NRP1: variants seen among roughly 807,000 people sequenced by gnomAD.
NRP1 encodes neuropilin 1.
Under a neutral mutation model 106.7 loss-of-function variants are expected in NRP1, and 35 were observed. That is an observed-to-expected ratio of 0.33 (90% CI 0.25 to 0.43). The LOEUF is 0.43. NRP1 is among the 20% of genes least tolerant of loss of function. The probability of loss-of-function intolerance (pLI) is 1.00; values close to 1 mark genes in which losing one functional copy is unlikely to be tolerated. For missense variants in NRP1, 1,024 were observed against 1,170.4 expected (o/e 0.87, Z 1.83); for synonymous variants, 437 against 417.9 (o/e 1.05, Z -0.56).
intron 3 of NRP1, among the ~76,000 whole-genome samples, chr10:33,269,286 T>A (rs1843130729): frequency 6.6e-6 from 1 of 152,204 alleles, no homozygotes; most frequent in Admixed American, 6.6e-5. Context: ...TTATTACTTT[T>A]AAATTATTTT....
intron 2 of NRP1, among the ~76,000 whole-genome samples, chr10:33,317,282 C>A (rs1364429996): frequency 6.6e-6 from 1 of 152,188 alleles, no homozygotes; most frequent in Non-Finnish European, 1.5e-5. Flanking sequence ...CTCTTCTCTG[C>A]CATGATCCCA....
intron 16 of NRP1, among the ~76,000 whole-genome samples, 195 bp downstream of exon 16, chr10:33,182,503 C>G (rs1369570192): frequency 6.6e-6 from 1 of 152,132 alleles, no homozygotes; most frequent in Non-Finnish European, 1.5e-5. Context: ...CTCCCCAAGT[C>G]TTATGGGCAG....
chr10:33,289,648 G>A (rs188290662), intron 2 of NRP1, among the ~76,000 whole-genome samples: 7 of 152,292 alleles, frequency 4.6e-5, no homozygotes, highest in South Asian at 2.1e-4. Context: ...TGACATTAGC[G>A]TGTGTTAGAT....
chr10:33,185,852 C>T, intron 14 of NRP1, 128 bp from the exon 15 acceptor site: 1 of 809,118 alleles, frequency 1.2e-6, no homozygotes, highest in Admixed American at 2.1e-5. Flanking sequence ...ACACAGACTT[C>T]ACTCATCAAT....
intron 2 of NRP1, among the ~76,000 whole-genome samples, chr10:33,272,734 T>A (rs192109081): frequency 6.6e-6 from 1 of 152,192 alleles, no homozygotes; most frequent in South Asian, 2.1e-4. Flanking sequence ...CGCTTTCTTA[T>A]AATTTAACTG....
intron 2 of NRP1, among the ~76,000 whole-genome samples, chr10:33,319,650 G>C (rs12256267): frequency 7.0e-6 from 1 of 143,426 alleles, no homozygotes; most frequent in Non-Finnish European, 1.5e-5. Context: ...GCATTGGCAC[G>C]ATCTCGGCTT....
intron 6 of NRP1, among the ~76,000 whole-genome samples, chr10:33,253,312 G>C (rs1841990495): frequency 6.6e-6 from 1 of 152,108 alleles, no homozygotes; most frequent in Non-Finnish European, 1.5e-5. Context: ...TGGAAAATGG[G>C]GTCAGCGGTG....
intron 2 of NRP1, among the ~76,000 whole-genome samples, chr10:33,289,795 T>G (rs146435935): frequency 8.5e-4 from 130 of 152,364 alleles, no homozygotes; most frequent in African/African-American, 2.9e-3. Flanking sequence ...GTTTTATCGT[T>G]ATCACTAATC....
intron 2 of NRP1, among the ~76,000 whole-genome samples, chr10:33,276,434 A>G (rs1413222491): frequency 2.0e-5 from 3 of 152,214 alleles, no homozygotes; most frequent in African/African-American, 4.8e-5. Flanking sequence ...GCTGGCAAGA[A>G]TTCTTGACAT....
intron 4 of NRP1, among the ~76,000 whole-genome samples, chr10:33,257,739 G>A (rs534345377): frequency 2.6e-5 from 4 of 152,324 alleles, no homozygotes; most frequent in African/African-American, 7.2e-5. Context: ...GCCTTGGGAA[G>A]AGTGCAGAAC....
intron 9 of NRP1, among the ~76,000 whole-genome samples, chr10:33,210,005 G>A (rs555427002): frequency 1.3e-5 from 2 of 152,244 alleles, no homozygotes; most frequent in Admixed American, 6.5e-5. Context: ...GTGCTTGTTC[G>A]GTGGTGGAAA....
At chr10:33,328,412 G>T (rs969431326) in intron 2 of NRP1, among the ~76,000 whole-genome samples, 10 of 152,210 alleles carry the variant, frequency 6.6e-5, no homozygotes, top group African/African-American at 2.2e-4. Flanking sequence ...CCAAAATGTT[G>T]AATGAACCAG....
intron 2 of NRP1, among the ~76,000 whole-genome samples, chr10:33,294,167 C>A (rs543916504): frequency 6.6e-6 from 1 of 152,160 alleles, no homozygotes; most frequent in African/African-American, 2.4e-5. Context: ...TGGTGGGGGT[C>A]CTACATATCT....
intron 10 of NRP1, among the ~76,000 whole-genome samples, chr10:33,204,493 TC>T (rs1837604873): frequency 6.6e-6 from 1 of 152,244 alleles, no homozygotes; most frequent in Non-Finnish European, 1.5e-5. Flanking sequence ...TAGTTGTCTT[TC>T]TTCCCTAAGC....
chr10:33,286,585 C>T (rs1483459244), intron 2 of NRP1, among the ~76,000 whole-genome samples: 1 of 152,158 alleles, frequency 6.6e-6, no homozygotes, highest in Admixed American at 6.6e-5. Flanking sequence ...GCCCCAAGCA[C>T]CAGAGAGCCA....
intron 2 of NRP1, among the ~76,000 whole-genome samples, chr10:33,307,984 G>A (rs928075315): frequency 6.6e-6 from 1 of 152,088 alleles, no homozygotes; most frequent in Non-Finnish European, 1.5e-5. Context: ...ATCAATGGCA[G>A]ACTGAATAAA....
At chr10:33,277,648 A>G (rs1018417147) in intron 2 of NRP1, among the ~76,000 whole-genome samples, 9 of 152,220 alleles carry the variant, frequency 5.9e-5, no homozygotes, top group Non-Finnish European at 1.3e-4. Context: ...AGCTCTTAGT[A>G]TGTGGTCAAA....
chr10:33,179,883 C>A lies in NRP1; in HGVS notation c.*193G>T. 1.6e-6 allele frequency: 1 copy of A among 624,500 alleles called. No individual in the cohort carries two copies. Among genetic ancestry groups the A allele is most frequent in the Admixed American group, 2.8e-5 (1 of 36,312 alleles). The allele number at this position is 624,500 out of a possible 1,614,324, so 38.7% of individuals were successfully genotyped here. On this transcript the variant is annotated 3_prime_UTR_variant, in exon 17 of 17. Coordinates refer to ENST00000374867, the MANE Select transcript of NRP1 (RefSeq NM_003873.7). ...AAACCAACAGGAAAAAAGCTGACTG[C>A]ACATGAGTCCGATGGTGAACACAGC...
chr10:33,289,963 T>A (rs1276793918), intron 2 of NRP1, among the ~76,000 whole-genome samples: 1 of 152,216 alleles, frequency 6.6e-6, no homozygotes, highest in East Asian at 1.9e-4. Flanking sequence ...TAAATGCTTT[T>A]CACCCCCACT....
Sources: gnomAD v4.1 joint callset for allele counts (sites outside exome capture counted in the v4.1 genomes callset) on GRCh38, gnomAD v4.1.1 for gene constraint, MANE v1.5 for transcripts, NCBI Gene and HGNC (gene_info 2026-07-23, HGNC 2026-07-21) for gene names.